The following ULK4 variants were observed in gnomAD, a reference collection of about 807,000 sequenced individuals.
ULK4 encodes inactive serine/threonine-protein kinase ULK4.
A neutral mutation model predicts 160.6 loss-of-function variants in ULK4; 133 were observed. That is an observed-to-expected ratio of 0.83 (90% CI 0.72 to 0.96). The LOEUF is 0.96. ULK4 is among the 40% of genes least tolerant of loss of function. ULK4 has a pLI of 0.00. For synonymous variants in ULK4, 534 were observed against 539.8 expected (o/e 0.99, Z 0.15); for missense variants, 1,580 against 1,499.5 (o/e 1.05, Z -0.89).
rs142725920 is a variant in ULK4, at chr3:41,393,329, A to G, written c.3678+4750T>C. ...TCAGAGACCAGAATTCCTTAATTCC[A>G]TCAACAATGTCTAAACTCTAAATGC... On this transcript the variant is annotated intron_variant, in intron 35 of 36. Coordinates refer to ENST00000301831, the MANE Select transcript of ULK4 (RefSeq NM_017886.4). Among the ~76,000 whole-genome samples the G allele has an allele frequency of 6.6e-5, 10 of 152,280 alleles. No individual in the cohort carries two copies. The East Asian group carries it at 1.9e-3, about 29-fold the overall frequency.
chr3:41,248,854 T>C (rs2078692343), intron 36 of ULK4, among the ~76,000 whole-genome samples: 3 of 152,212 alleles, frequency 2.0e-5, no homozygotes, highest in South Asian at 2.1e-4. Flanking sequence ...TCCTGGGTGA[T>C]AGGCCTATCT....
At chr3:41,463,358 A>T in intron 32 of ULK4, 105 bp from the exon 33 acceptor site, 1 of 1,118,276 alleles carries the variant, frequency 8.9e-7, no homozygotes, top group Admixed American at 2.4e-5. Flanking sequence ...ATAAACCCTA[A>T]GCAATACTTA....
At chr3:41,537,459 C>G (rs141059255) in intron 32 of ULK4, among the ~76,000 whole-genome samples, 1 of 152,142 alleles carries the variant, frequency 6.6e-6, no homozygotes, top group Admixed American at 6.6e-5. Flanking sequence ...ATTTTCAAAG[C>G]CTTTTATTGA....
chr3:41,833,035 G>A (rs575657930), intron 18 of ULK4, among the ~76,000 whole-genome samples: 9 of 152,252 alleles, frequency 5.9e-5, no homozygotes, highest in Admixed American at 1.3e-4. Context: ...GGTTCCATAT[G>A]AAATTTAAAG....
intron 35 of ULK4, among the ~76,000 whole-genome samples, chr3:41,359,447 T>C (rs1281511761): frequency 6.6e-6 from 1 of 152,138 alleles, no homozygotes; most frequent in East Asian, 1.9e-4. Flanking sequence ...GCCACAGAGA[T>C]TGAGCTGAAC....
chr3:41,519,103 C>T (rs1413412944), intron 32 of ULK4, among the ~76,000 whole-genome samples: 2 of 152,174 alleles, frequency 1.3e-5, no homozygotes, highest in Admixed American at 1.3e-4. Flanking sequence ...GGGACATTCA[C>T]AGTACAGACC....
At chr3:41,418,398 G>C (rs374919588) in intron 34 of ULK4, among the ~76,000 whole-genome samples, 19 of 149,142 alleles carry the variant, frequency 1.3e-4, no homozygotes, top group African/African-American at 4.7e-4. Flanking sequence ...TTTTCAAACT[G>C]TCACAAATCT....
chr3:41,650,772 A>G (rs2034708886), intron 30 of ULK4, among the ~76,000 whole-genome samples: 1 of 152,170 alleles, frequency 6.6e-6, no homozygotes, highest in Non-Finnish European at 1.5e-5. Context: ...CCAGCTGCAA[A>G]AGCAACACCC....
intron 30 of ULK4, among the ~76,000 whole-genome samples, chr3:41,656,387 T>G (rs1419838333): frequency 1.3e-5 from 2 of 152,188 alleles, no homozygotes; most frequent in Admixed American, 6.5e-5. Context: ...GTTAAATTCC[T>G]TTAGATGCTA....
chr3:41,318,879 A>G (rs942733224), intron 35 of ULK4, among the ~76,000 whole-genome samples: 2 of 151,322 alleles, frequency 1.3e-5, no homozygotes, highest in South Asian at 2.1e-4. Flanking sequence ...TATAACCTGT[A>G]AAAGATGACA....
At chr3:41,919,675 T>C (rs1283221710) in intron 6 of ULK4, 42 bp downstream of exon 6, 1 of 1,528,054 alleles carries the variant, frequency 6.5e-7, no homozygotes, top group Admixed American at 1.7e-5. Context: ...AACCTGGTTT[T>C]TAGTCCAGCT....
intron 22 of ULK4, among the ~76,000 whole-genome samples, chr3:41,728,670 G>A (rs890337107): frequency 4.6e-5 from 7 of 152,186 alleles, no homozygotes; most frequent in Admixed American, 4.6e-4. Flanking sequence ...CTGAGGAAGA[G>A]TGACTACTGA....
In ULK4 at chr3:41,317,063, ATTTTTT is replaced by A. The variant is rs1164870603; in HGVS notation, c.3679-67495_3679-67490del. On this transcript the variant is annotated intron_variant, in intron 35 of 36. Transcript: ENST00000301831. ...TGATGTAAAATAGGCAATTACATCT[ATTTTTT>A]TTTTTTTTTTTTTTTTTGAGACGGA... 1.6e-4 allele frequency among the ~76,000 whole-genome samples: 15 copies of A among 94,550 alleles called. 1 individual carries two copies. The highest frequency in any genetic ancestry group is 5.3e-4 in the East Asian group (2 of 3,764). The allele number at this position is 94,550 out of a possible 152,430, so 62.0% of individuals were successfully genotyped here. A position where few individuals can be genotyped will look rare whatever the true frequency, so the allele number is the denominator to read the frequency against.
rs533723423 is a variant in ULK4, at chr3:41,590,080, G to A, written c.3121-23950C>T. Among the ~76,000 whole-genome samples, 7 of 151,892 alleles carry A rather than the reference G, an allele frequency of 4.6e-5. No individual in the cohort carries two copies. In the South Asian group the frequency reaches 1.5e-3, roughly 32 times the overall value. On this transcript the variant is annotated intron_variant, in intron 31 of 36. Coordinates refer to ENST00000301831, the MANE Select transcript of ULK4 (RefSeq NM_017886.4). Reference sequence around the variant, plus strand: ...TACAGTGGCGCGATCTCGGCTCACTGTAACCTCCGCCTCCCGGATTCACGC... The same window carrying A: ...TACAGTGGCGCGATCTCGGCTCACTATAACCTCCGCCTCCCGGATTCACGC...
chr3:41,786,079 C>CA (rs2039989471), intron 21 of ULK4, among the ~76,000 whole-genome samples: 1 of 152,180 alleles, frequency 6.6e-6, no homozygotes, highest in African/African-American at 2.4e-5. Context: ...TGTGTGGCTC[C>CA]ACTCCACCTG....
chr3:41,370,885 G>A lies in ULK4; in HGVS notation c.3678+27194C>T, dbSNP rs552157393. 5.3e-5 allele frequency among the ~76,000 whole-genome samples: 8 copies of A among 152,322 alleles called. No individual in the cohort carries two copies. In the East Asian group the frequency reaches 1.4e-3, roughly 26 times the overall value. On this transcript the variant is annotated intron_variant, in intron 35 of 36. Coordinates refer to ENST00000301831, the MANE Select transcript of ULK4 (RefSeq NM_017886.4). ...ACCCCCATGGAGCCCAGCAAGCTAA[G>A]ATCCACTGGCTTGAAATTCTTACTG...
At chr3:41,940,010 C>T (rs943973861) in intron 2 of ULK4, among the ~76,000 whole-genome samples, 5 of 151,794 alleles carry the variant, frequency 3.3e-5, no homozygotes, top group African/African-American at 9.7e-5. Flanking sequence ...AGTTGGGTAC[C>T]GGTGCCATAG....
intron 18 of ULK4, among the ~76,000 whole-genome samples, chr3:41,821,570 T>C (rs2041147092): frequency 6.6e-6 from 1 of 152,158 alleles, no homozygotes. Context: ...CAGGATCCCA[T>C]CCCCATCCTC....
chr3:41,781,065 A>G (rs1321336441), intron 21 of ULK4, among the ~76,000 whole-genome samples: 1 of 152,166 alleles, frequency 6.6e-6, no homozygotes, highest in Non-Finnish European at 1.5e-5. Context: ...ATACAAATAC[A>G]TACATAAAAA....
Sources: gnomAD v4.1 joint callset for allele counts (sites outside exome capture counted in the v4.1 genomes callset) on GRCh38, gnomAD v4.1.1 for gene constraint, MANE v1.5 for transcripts, NCBI Gene and HGNC (gene_info 2026-07-23, HGNC 2026-07-21) for gene names.